EML4: variants seen among roughly 807,000 people sequenced by gnomAD.
EML4 encodes EMAP like 4.
EML4 carries 72 observed loss-of-function variants against 129.0 expected under a neutral mutation model. The observed-to-expected ratio is 0.56, with a 90% CI of 0.46 to 0.68. The LOEUF is 0.68. Ranked by LOEUF, EML4 falls within the 30% of genes least tolerant of loss-of-function variation. The pLI, the probability that EML4 is intolerant of heterozygous loss-of-function variation, is 0.00. For synonymous variants in EML4, 532 were observed against 405.0 expected, an observed-to-expected ratio of 1.31 and a Z score of -3.77; for missense variants, 1,363 against 1,190.6, an observed-to-expected ratio of 1.14 and a Z score of -2.13.
At chr2:42,244,064 TG>T (rs1240215735) in intron 1 of EML4, among the ~76,000 whole-genome samples, 2 of 124,032 alleles carry the variant, frequency 1.6e-5, no homozygotes, top group African/African-American at 5.4e-5. Context: ...TAGCAATTAA[TG>T]TTTTTTTTGT....
At chr2:42,271,488 A>G (rs1666363539) in intron 6 of EML4, among the ~76,000 whole-genome samples, 1 of 152,202 alleles carries the variant, frequency 6.6e-6, no homozygotes, top group African/African-American at 2.4e-5. Flanking sequence ...AGATTAAAAT[A>G]TGTTTGAAGG....
At chr2:42,327,338 T>A (rs2103841094) in intron 21 of EML4, among the ~76,000 whole-genome samples, 1 of 152,350 alleles carries the variant, frequency 6.6e-6, no homozygotes, top group Non-Finnish European at 1.5e-5. Flanking sequence ...AGACATGTTT[T>A]CATTTCTCTT....
At chr2:42,199,774 G>A (rs1672109963) in intron 1 of EML4, among the ~76,000 whole-genome samples, 1 of 152,164 alleles carries the variant, frequency 6.6e-6, no homozygotes, top group African/African-American at 2.4e-5. Flanking sequence ...GAGCGGGTAA[G>A]CAAGAGAAGG....
chr2:42,291,551 G>C (rs1408139565), intron 11 of EML4, among the ~76,000 whole-genome samples: 1 of 151,914 alleles, frequency 6.6e-6, no homozygotes, highest in East Asian at 1.9e-4. Flanking sequence ...TTACAGGCGT[G>C]TGCCACCATG....
chr2:42,322,584 C>T (rs1032914022), intron 19 of EML4, among the ~76,000 whole-genome samples: 9 of 152,214 alleles, frequency 5.9e-5, no homozygotes, highest in African/African-American at 2.2e-4. Flanking sequence ...CATATTCTTT[C>T]ACTTTGTCAC....
intron 1 of EML4, among the ~76,000 whole-genome samples, chr2:42,180,473 A>G (rs1670867991): frequency 6.6e-6 from 1 of 152,192 alleles, no homozygotes; most frequent in African/African-American, 2.4e-5. Flanking sequence ...TATATGTGCT[A>G]AGTGGTGTGC....
At chr2:42,304,718 A>G (rs979948083) in intron 17 of EML4, among the ~76,000 whole-genome samples, 167 bp downstream of exon 17, 5 of 152,226 alleles carry the variant, frequency 3.3e-5, no homozygotes, top group African/African-American at 1.2e-4. Context: ...TTTATTGAGC[A>G]CCTGCCTTTT....
chr2:42,240,167 T>G (rs1674930703), intron 1 of EML4, among the ~76,000 whole-genome samples: 1 of 152,188 alleles, frequency 6.6e-6, no homozygotes, highest in Non-Finnish European at 1.5e-5. Flanking sequence ...GCTATGTTCC[T>G]TATAACACTG....
At chr2:42,238,169 T>G (rs554941978) in intron 1 of EML4, among the ~76,000 whole-genome samples, 4 of 152,330 alleles carry the variant, frequency 2.6e-5, no homozygotes, top group African/African-American at 9.6e-5. Flanking sequence ...ACAAGATATC[T>G]CATTATGTAT....
chr2:42,185,896 C>T (rs1027581894), intron 1 of EML4, among the ~76,000 whole-genome samples: 1 of 151,990 alleles, frequency 6.6e-6, no homozygotes, highest in African/African-American at 2.4e-5. Flanking sequence ...TGGTTTTCTT[C>T]AGTAGTGGGA....
chr2:42,261,188 G>A lies in EML4; in HGVS notation c.406G>A (p.Asp136Asn). ...AAAAAAAGAGGAATCTCATTCTAAT[G>A]ATCAAAGTCCACAAATTCGAGCATC... ...REKKEESHSN[D>N]QSPQIRASPS... is the part of the protein sequence containing the mutation. The change falls in exon 4 of 23, where the codon GAT becomes AAT. Residue 136 changes from aspartate to asparagine, a missense_variant. Coordinates refer to ENST00000318522, the MANE Select transcript of EML4 (RefSeq NM_019063.5). The A allele has an allele frequency of 6.2e-7, 1 of 1,613,742 alleles. No homozygotes were observed. Among genetic ancestry groups the A allele is most frequent in the Non-Finnish European group, 8.5e-7 (1 of 1,179,870 alleles).
intron 6 of EML4, among the ~76,000 whole-genome samples, chr2:42,277,803 G>A (rs759839641): frequency 7.2e-5 from 11 of 152,074 alleles, no homozygotes; most frequent in African/African-American, 2.2e-4. Context: ...TCCTGACCTC[G>A]TGATCTGTCT....
At chr2:42,310,335 TCCTTCCCCTTCC>T (rs1196446907) in intron 17 of EML4, among the ~76,000 whole-genome samples, 3 of 145,706 alleles carry the variant, frequency 2.1e-5, no homozygotes, top group South Asian at 2.2e-4. Context: ...CTTCCCCTTC[TCCTTCCCCTTCC>T]CCTTCCCTTT....
intron 17 of EML4, among the ~76,000 whole-genome samples, chr2:42,307,804 A>G (rs1366251086): frequency 6.6e-6 from 1 of 152,054 alleles, no homozygotes; most frequent in Admixed American, 6.5e-5. Flanking sequence ...ACAGGCGCCC[A>G]CCACCATACC....
At chr2:42,303,969 A>G (rs2103730647) in intron 16 of EML4, among the ~76,000 whole-genome samples, 1 of 152,334 alleles carries the variant, frequency 6.6e-6, no homozygotes, top group South Asian at 2.1e-4. Context: ...GTAAAAGCTC[A>G]ATTTGTCCAT....
intron 1 of EML4, among the ~76,000 whole-genome samples, chr2:42,213,725 G>A (rs1056072002): frequency 6.6e-6 from 1 of 152,044 alleles, no homozygotes; most frequent in African/African-American, 2.4e-5. Context: ...TAAAAGCATG[G>A]AAAAAATAAT....
chr2:42,220,154 G>GA (rs1673484311), intron 1 of EML4, among the ~76,000 whole-genome samples: 1 of 151,116 alleles, frequency 6.6e-6, no homozygotes. Flanking sequence ...ACACATAATT[G>GA]AAAAAATACC....
chr2:42,235,745 ATTAATC>A (rs1232994607), intron 1 of EML4, among the ~76,000 whole-genome samples: 8 of 152,024 alleles, frequency 5.3e-5, no homozygotes, highest in Non-Finnish European at 8.8e-5. Context: ...TTTGTAGATA[ATTAATC>A]TTAGAGTCAT....
At chr2:42,241,690 G>C (rs1015225784) in intron 1 of EML4, among the ~76,000 whole-genome samples, 3 of 152,158 alleles carry the variant, frequency 2.0e-5, no homozygotes, top group Admixed American at 6.6e-5. Flanking sequence ...GTATTTGTTT[G>C]GTCCTCATGT....
Sources: gnomAD v4.1 joint callset for allele counts (sites outside exome capture counted in the v4.1 genomes callset) on GRCh38, gnomAD v4.1.1 for gene constraint, MANE v1.5 for transcripts, NCBI Gene and HGNC (gene_info 2026-07-23, HGNC 2026-07-21) for gene names.